The following DNAH7 variants were observed in gnomAD, a reference collection of about 807,000 sequenced individuals.
DNAH7 encodes axonemal beta dynein heavy chain 7.
In DNAH7, 397 loss-of-function variants were observed where a neutral mutation model predicts 444.6. The observed-to-expected ratio is 0.89, with a 90% CI of 0.82 to 0.97. The LOEUF is 0.97. DNAH7 is among the 50% of genes least tolerant of loss of function. The pLI is 0.00. For synonymous variants in DNAH7, 1,636 were observed against 1,624.4 expected (o/e 1.01, Z -0.17); for missense variants, 4,902 against 4,800.8 (o/e 1.02, Z -0.62).
chr2:195,853,675 CATG>C, intron 45 of DNAH7, 147 bp from the exon 46 acceptor site: 1 of 735,324 alleles, frequency 1.4e-6, no homozygotes, highest in Non-Finnish European at 2.1e-6. Flanking sequence ...TAGGAAAGTC[CATG>C]ATATTTTAGA....
intron 21 of DNAH7, 35 bp from the exon 22 acceptor site, chr2:195,926,601 T>A (rs181433835): frequency 3.3e-6 from 5 of 1,537,926 alleles, no homozygotes; most frequent in Non-Finnish European, 4.4e-6. Flanking sequence ...TATTAACCAT[T>A]TCCTGAACAA....
At chr2:195,918,880 T>C (rs1385237817) in intron 24 of DNAH7, among the ~76,000 whole-genome samples, 2 of 152,196 alleles carry the variant, frequency 1.3e-5, no homozygotes, top group Non-Finnish European at 2.9e-5. Flanking sequence ...CTGATATAAA[T>C]TGTATAAATT....
intron 1 of DNAH7, among the ~76,000 whole-genome samples, chr2:196,064,342 A>T (rs1698300870): frequency 3.1e-5 from 1 of 31,980 alleles, no homozygotes; most frequent in Non-Finnish European, 1.1e-4. Flanking sequence ...TAAATAAATA[A>T]ATAAATAATA....
At chr2:196,056,410 ACTC>A (rs1697808440) in intron 2 of DNAH7, among the ~76,000 whole-genome samples, 2 of 142,742 alleles carry the variant, frequency 1.4e-5, no homozygotes, top group Admixed American at 1.5e-4. Context: ...ATGCCACTGC[ACTC>A]TGTCTGAAAA....
chr2:195,878,080 C>T (rs1223232919), intron 36 of DNAH7, among the ~76,000 whole-genome samples: 2 of 152,156 alleles, frequency 1.3e-5, no homozygotes, highest in Non-Finnish European at 2.9e-5. Flanking sequence ...AAACAACTCC[C>T]TATTCTGAGC....
chr2:195,947,865 C>T (rs1047145912), intron 19 of DNAH7, among the ~76,000 whole-genome samples: 2 of 152,150 alleles, frequency 1.3e-5, no homozygotes, highest in Non-Finnish European at 2.9e-5. Flanking sequence ...TGAGGAATCA[C>T]CACACTGTCT....
intron 57 of DNAH7, among the ~76,000 whole-genome samples, chr2:195,791,588 CA>C (rs2105982982): frequency 6.6e-6 from 1 of 152,222 alleles, no homozygotes; most frequent in South Asian, 2.1e-4. Flanking sequence ...ACATTCTACT[CA>C]AAAGACACAT....
intron 5 of DNAH7, among the ~76,000 whole-genome samples, chr2:196,045,104 AAGGAGG>A (rs890799579): frequency 7.4e-5 from 11 of 148,108 alleles, no homozygotes; most frequent in Admixed American, 5.4e-4. Context: ...GGAGAAGGTG[AAGGAGG>A]AGGAGGAGGA....
At chr2:195,948,574 T>A (rs369082341) in intron 19 of DNAH7, among the ~76,000 whole-genome samples, 3 of 152,224 alleles carry the variant, frequency 2.0e-5, no homozygotes, top group Non-Finnish European at 4.4e-5. Context: ...CTTGTTTTTG[T>A]CAGGTTTGTC....
chr2:196,053,987 C>G (rs931821404), intron 2 of DNAH7, among the ~76,000 whole-genome samples: 16 of 152,160 alleles, frequency 1.1e-4, no homozygotes, highest in African/African-American at 3.9e-4. Flanking sequence ...CGCTACCTGA[C>G]CCTCGTCAGA....
At chr2:196,018,212 A>G (rs939965254) in intron 9 of DNAH7, among the ~76,000 whole-genome samples, 1 of 152,182 alleles carries the variant, frequency 6.6e-6, no homozygotes, top group African/African-American at 2.4e-5. Context: ...CTAGTAGTCT[A>G]GCAAAGGCAA....
At chr2:195,931,185 G>A (rs1688668836) in intron 21 of DNAH7, among the ~76,000 whole-genome samples, 1 of 152,048 alleles carries the variant, frequency 6.6e-6, no homozygotes, top group African/African-American at 2.4e-5. Flanking sequence ...TCTAAAAGTT[G>A]ATATTTAAAA....
chr2:195,910,652 TGAG>T (rs1191152601), intron 24 of DNAH7, among the ~76,000 whole-genome samples: 16 of 152,164 alleles, frequency 1.1e-4, no homozygotes, highest in African/African-American at 3.9e-4. Context: ...TATAAATAAA[TGAG>T]TATATTTATG....
At chr2:196,020,283 A>G (rs1695296205) in intron 8 of DNAH7, among the ~76,000 whole-genome samples, 1 of 152,148 alleles carries the variant, frequency 6.6e-6, no homozygotes, top group Non-Finnish European at 1.5e-5. Flanking sequence ...AACCACGTAT[A>G]AAAATTATAT....
chr2:195,851,231 A>G (rs1446978702), intron 46 of DNAH7, among the ~76,000 whole-genome samples: 2 of 152,206 alleles, frequency 1.3e-5, no homozygotes, highest in Non-Finnish European at 2.9e-5. Flanking sequence ...GAAACAGATA[A>G]AAGAGTGAAG....
rs1313417150 is a variant in DNAH7 at position 195,808,797 on chromosome 2, A to G, written c.9968T>C (p.Leu3323Pro). 6.2e-7 allele frequency: 1 copy of G among 1,613,916 alleles called. No homozygotes were observed. The highest frequency in any genetic ancestry group is 2.2e-5 in the East Asian group (1 of 44,860). ...DNPYANLCTW[L>P]PQKSWDEICR... Reference sequence around the variant, plus strand: ...TATTTCATCCCAGGATTTCTGAGGAAGCCATGTACAAAGGTTGGCATAAGG... The same window carrying G: ...TATTTCATCCCAGGATTTCTGAGGAGGCCATGTACAAAGGTTGGCATAAGG... Residue 3323 changes from leucine (L) to proline (P), a missense_variant, in exon 53 of 65, where the codon CTT (leucine) becomes CCT (proline). By Grantham distance (98) the Leu-to-Pro change is moderately conservative (BLOSUM62 -3). Transcript: ENST00000312428.
chr2:195,935,288 T>A (rs1342237871), intron 20 of DNAH7, among the ~76,000 whole-genome samples: 1 of 152,192 alleles, frequency 6.6e-6, no homozygotes, highest in Non-Finnish European at 1.5e-5. Context: ...ATTAGTCTAT[T>A]CAATGTAATA....
chr2:195,853,459 G>A lies in DNAH7; in HGVS notation c.8665C>T (p.Arg2889Ter), dbSNP rs1179296507. 12 of 1,613,932 alleles carry A rather than the reference G, an allele frequency of 7.4e-6. No individual in the cohort carries two copies. Among genetic ancestry groups the A allele is most frequent in the Middle Eastern group, 1.6e-4 (1 of 6,084 alleles). ...LIGGLGGEKT[R>*]WSHTALELGQ... ...AGCTCCAGAGCTGTGTGGCTCCATC[G>A]AGTTTTCTCACCTCCAAGGCCTCCA... Residue 2889 changes from arginine (R) to a stop codon, truncating the protein, a stop_gained, in exon 46 of 65, where the codon CGA becomes TGA. Transcript: ENST00000312428. LOFTEE classifies it high-confidence loss of function.
chr2:195,959,061 A>AAATTAATTAATT (rs539118244), intron 18 of DNAH7, among the ~76,000 whole-genome samples: 1 of 151,758 alleles, frequency 6.6e-6, no homozygotes, highest in African/African-American at 2.4e-5. Flanking sequence ...ACTCCATCTC[A>AAATTAATTAATT]AATTAATTAA....
Sources: allele counts gnomAD v4.1 joint callset (sites outside exome capture counted in the v4.1 genomes callset), GRCh38; gene constraint gnomAD v4.1.1; transcripts MANE v1.5; gene names NCBI Gene and HGNC (gene_info 2026-07-23, HGNC 2026-07-21).